Variants in FAM168B observed in about 807,000 individuals in gnomAD.
FAM168B encodes myelin-associated neurite-outgrowth inhibitor.
In FAM168B, 19 loss-of-function variants were observed where a neutral mutation model predicts 21.8. The observed-to-expected ratio is 0.87, with a 90% CI of 0.61 to 1.28. The LOEUF (loss-of-function observed/expected upper bound fraction) is 1.28, where lower values mean the gene tolerates loss of function less well. FAM168B is among the 50% of genes most tolerant of loss of function. FAM168B has a pLI of 0.00. For missense variants in FAM168B, 233 were observed against 263.1 expected, an observed-to-expected ratio of 0.89 and a Z score of 0.79; for synonymous variants, 126 against 104.8, an observed-to-expected ratio of 1.20 and a Z score of -1.24.
chr2:131,057,183 C>G lies in FAM168B; in HGVS notation c.155-1488G>C, dbSNP rs1573754443. 3.3e-5 allele frequency among the ~76,000 whole-genome samples: 5 copies of G among 152,276 alleles called. No individual in the cohort carries two copies. In the Middle Eastern group the frequency reaches 0.014, roughly 414 times the overall value. On this transcript the variant is annotated intron_variant, in intron 3 of 6. Coordinates refer to ENST00000389915, the MANE Select transcript of FAM168B (RefSeq NM_001009993.4). ...CCCGCAACATCCAGCAATCCACTCCCAAAACTTCCCCTAGAAAAATGAAAA... is the reference window on the plus strand; with the variant it reads ...CCCGCAACATCCAGCAATCCACTCCGAAAACTTCCCCTAGAAAAATGAAAA...
intron 2 of FAM168B, among the ~76,000 whole-genome samples, chr2:131,080,178 T>C (rs951565788): frequency 1.3e-5 from 2 of 150,888 alleles, no homozygotes; most frequent in South Asian, 2.1e-4. Context: ...GAGAGAAACA[T>C]GTAAATAGAG....
At chr2:131,062,787 G>A (rs968717960) in intron 3 of FAM168B, among the ~76,000 whole-genome samples, 12 of 152,350 alleles carry the variant, frequency 7.9e-5, no homozygotes, top group South Asian at 2.1e-4. Context: ...ACAGGTAGGC[G>A]TTGCTGAAGC....
Position 131,048,263 on chromosome 2 carries a change from T to C in FAM168B, c.*4202A>G, listed in dbSNP as rs1476643890. 1.5e-6 allele frequency: 2 copies of C among 1,304,132 alleles called. No homozygotes were observed. The highest frequency in any genetic ancestry group is 2.3e-5 in the Admixed American group (1 of 43,554). The allele number at this position is 1,304,132 out of a possible 1,614,324, so 80.8% of individuals were successfully genotyped here. ...CTCCGTGTGGCCAGCACAGCAACCC[T>C]GCTAGGAGCACAAACGGCTGGCCTG... On this transcript the variant is annotated 3_prime_UTR_variant, in exon 7 of 7. Transcript: ENST00000389915.
At chr2:131,054,012 T>C (rs1691858560) in intron 5 of FAM168B, among the ~76,000 whole-genome samples, 1 of 152,190 alleles carries the variant, frequency 6.6e-6, no homozygotes. Flanking sequence ...GAGACCAGCC[T>C]GGCCAACATG....
chr2:131,072,063 C>G, intron 2 of FAM168B, 125 bp from the exon 3 acceptor site: 1 of 761,618 alleles, frequency 1.3e-6, no homozygotes, highest in Middle Eastern at 2.9e-4. Flanking sequence ...GCCCCAAGAG[C>G]ACTATGTGTG....
chr2:131,056,847 C>A (rs916303439), intron 3 of FAM168B, among the ~76,000 whole-genome samples: 1 of 152,180 alleles, frequency 6.6e-6, no homozygotes, highest in Non-Finnish European at 1.5e-5. Context: ...CATGTACTGA[C>A]AGAAGCTCTA....
intron 3 of FAM168B, among the ~76,000 whole-genome samples, chr2:131,066,467 A>G (rs1692565540): frequency 6.6e-6 from 1 of 152,172 alleles, no homozygotes. Flanking sequence ...GAGCCATTGC[A>G]CCCGGCCTAA....
intron 1 of FAM168B, among the ~76,000 whole-genome samples, chr2:131,091,198 G>A (rs1025050436): frequency 6.6e-6 from 1 of 152,104 alleles, no homozygotes; most frequent in African/African-American, 2.4e-5. Context: ...CATTACCTGG[G>A]CAGGGTGGCA....
intron 5 of FAM168B, among the ~76,000 whole-genome samples, chr2:131,054,631 A>G (rs568377101): frequency 1.7e-4 from 26 of 152,348 alleles, no homozygotes; most frequent in African/African-American, 6.0e-4. Flanking sequence ...ATTGACCCAG[A>G]GACCAGGAGG....
chr2:131,084,527 T>A (rs1693586128), intron 1 of FAM168B, among the ~76,000 whole-genome samples: 1 of 150,282 alleles, frequency 6.7e-6, no homozygotes, highest in Admixed American at 6.7e-5. Flanking sequence ...CAAAAACTTG[T>A]TAAGTTTTTT....
intron 2 of FAM168B, among the ~76,000 whole-genome samples, chr2:131,076,440 T>C (rs2105544130): frequency 6.6e-6 from 1 of 151,944 alleles, no homozygotes; most frequent in South Asian, 2.1e-4. Flanking sequence ...GGCAGGTGGA[T>C]CACGAGGTCA....
rs548145100 is a variant in FAM168B at position 131,079,179 on chromosome 2, T to C, written c.70+3398A>G. 4.6e-5 allele frequency among the ~76,000 whole-genome samples: 7 copies of C among 151,228 alleles called. No individual in the cohort carries two copies. The South Asian group carries it at 1.5e-3, about 32-fold the overall frequency. On this transcript the variant is annotated intron_variant, in intron 2 of 6. Transcript: ENST00000389915. ...GCTCTAAATCCAATGACAAGTGTCC[T>C]TATAAAAAACACACAGGGCCGGGCA...
intron 3 of FAM168B, among the ~76,000 whole-genome samples, chr2:131,070,911 G>C (rs1388916292): frequency 2.6e-5 from 4 of 152,152 alleles, no homozygotes; most frequent in Non-Finnish European, 5.9e-5. Flanking sequence ...AATTCATCTG[G>C]GAGCATCGCT....
chr2:131,052,553 G>A, intron 6 of FAM168B, 101 bp from the exon 7 acceptor site: 1 of 943,302 alleles, frequency 1.1e-6, no homozygotes, highest in Non-Finnish European at 1.3e-6. Context: ...GGAAAGGGCA[G>A]CAATGGGCAA....
intron 3 of FAM168B, among the ~76,000 whole-genome samples, chr2:131,056,629 G>A (rs1692037315): frequency 6.6e-6 from 1 of 152,202 alleles, no homozygotes; most frequent in African/African-American, 2.4e-5. Flanking sequence ...GGACAGCTAT[G>A]TTCACAGCAG....
intron 1 of FAM168B, among the ~76,000 whole-genome samples, chr2:131,088,043 C>T (rs1396579626): frequency 6.6e-6 from 1 of 151,982 alleles, no homozygotes; most frequent in Non-Finnish European, 1.5e-5. Context: ...ACCACGCGTT[C>T]GAGACCAGCC....
At chr2:131,077,816 CA>C (rs1217136739) in intron 2 of FAM168B, among the ~76,000 whole-genome samples, 1 of 152,180 alleles carries the variant, frequency 6.6e-6, no homozygotes, top group Non-Finnish European at 1.5e-5. Flanking sequence ...GCTACCCCAG[CA>C]GACAGCAAAA....
chr2:131,075,301 C>T (rs1693087747), intron 2 of FAM168B, among the ~76,000 whole-genome samples: 1 of 151,634 alleles, frequency 6.6e-6, no homozygotes, highest in South Asian at 2.1e-4. Flanking sequence ...GTTTCAACTA[C>T]CACTGACCTA....
In FAM168B at chr2:131,050,092, G is replaced by C; in HGVS notation, c.*2373C>G. Reference sequence around the variant, plus strand: ...GGGAAAAAAGGTTAAGTTACAGGGAGGAAGAAAAGTGTTTATGAAGCTGAT... The same window carrying C: ...GGGAAAAAAGGTTAAGTTACAGGGACGAAGAAAAGTGTTTATGAAGCTGAT... On this transcript the variant is annotated 3_prime_UTR_variant, in exon 7 of 7. Coordinates refer to ENST00000389915, the MANE Select transcript of FAM168B (RefSeq NM_001009993.4). The C allele has an allele frequency of 1.0e-6, 1 of 985,448 alleles. No individual in the cohort carries two copies. 61.0% of individuals were successfully genotyped at this position (985,448 alleles called of 1,614,324 possible).
Sources: allele counts gnomAD v4.1 joint callset (sites outside exome capture counted in the v4.1 genomes callset), GRCh38; gene constraint gnomAD v4.1.1; transcripts MANE v1.5; gene names NCBI Gene and HGNC (gene_info 2026-07-23, HGNC 2026-07-21).